The following GNG10 variants were observed in gnomAD, a reference collection of about 807,000 sequenced individuals.
GNG10 encodes the protein G protein subunit gamma 10.
Under a neutral mutation model 6.8 loss-of-function variants are expected in GNG10, and 7 were observed. The ratio of observed to expected loss-of-function variants is 1.02; its 90% CI spans 0.58 to 1.92. The LOEUF (loss-of-function observed/expected upper bound fraction) is 1.92, where lower values mean the gene tolerates loss of function less well. Ranked by LOEUF, GNG10 falls within the 30% of genes most tolerant of loss-of-function variation. The pLI is 0.00. For missense variants in GNG10, 57 were observed against 86.1 expected (o/e 0.66, Z 1.34); for synonymous variants, 28 against 34.8 (o/e 0.80, Z 0.69).
At chr9:111,668,575 C>T (rs1830946145) in intron 2 of GNG10, among the ~76,000 whole-genome samples, 1 of 151,964 alleles carries the variant, frequency 6.6e-6, no homozygotes, top group African/African-American at 2.4e-5. Flanking sequence ...ACCTCCACCT[C>T]CCAGGTTCAA....
rs1830911945 is a variant in GNG10 at position 111,666,963 on chromosome 9, CATG to C, written c.*6+21_*6+23del. 1.9e-5 allele frequency: 30 copies of C among 1,613,494 alleles called. No homozygotes were observed. Among genetic ancestry groups the C allele is most frequent in the African/African-American group, 2.7e-5 (2 of 75,012 alleles). Reference sequence around the variant, plus strand: ...TGAAGACTCGTGAGTAATGATACACCATGATGTCTTGGGCCCATAGCATTATCA... The same window carrying C: ...TGAAGACTCGTGAGTAATGATACACCATGTCTTGGGCCCATAGCATTATCA... On this transcript the variant is annotated intron_variant, in intron 2 of 2. Transcript: ENST00000374293.
chr9:111,666,721 A>G (rs1021901963), intron 1 of GNG10, 94 bp from the exon 2 acceptor site: 2 of 1,460,034 alleles, frequency 1.4e-6, no homozygotes, highest in Non-Finnish European at 1.8e-6. Flanking sequence ...AAAAGTTGAT[A>G]TTTACCAAGT....
chr9:111,662,723 A>G (rs1359406904), intron 1 of GNG10, among the ~76,000 whole-genome samples: 3 of 152,198 alleles, frequency 2.0e-5, no homozygotes, highest in African/African-American at 7.2e-5. Flanking sequence ...TAACGGATAC[A>G]TAGCATCGCT....
At position 111,661,620 on chromosome 9, in the gene GNG10, C is replaced by G. The variant is rs756490084; in HGVS notation, c.-15C>G. The G allele has an allele frequency of 5.6e-4, 730 of 1,305,924 alleles. No individual in the cohort carries two copies. Among genetic ancestry groups the G allele is most frequent in the Non-Finnish European group, 6.9e-4 (689 of 1,005,584 alleles). The allele number at this position is 1,305,924 out of a possible 1,614,324, so 80.9% of individuals were successfully genotyped here. The stretch of plus-strand genomic sequence containing the variant: ...GGCCGGGCCCAGCAGCCCCTAGGAG[C>G]CCAGCGCCGCCGCCATGTCCTCCGG... On this transcript the variant is annotated 5_prime_UTR_variant, in exon 1 of 3. Transcript: ENST00000374293. The surrounding 1 kb of genome is among the most constrained non-coding windows in gnomAD (Gnocchi z 6.1).
chr9:111,662,116 A>G (rs1189207831), intron 1 of GNG10, among the ~76,000 whole-genome samples: 1 of 152,144 alleles, frequency 6.6e-6, no homozygotes, highest in East Asian at 1.9e-4. Flanking sequence ...GAGGAGAGCC[A>G]GGATGCTCGG....
At chr9:111,667,339 C>T (rs1375803979) in intron 2 of GNG10, among the ~76,000 whole-genome samples, 7 of 152,126 alleles carry the variant, frequency 4.6e-5, no homozygotes, top group African/African-American at 1.7e-4. Flanking sequence ...AAGCAATTCT[C>T]TTGTCTCAGC....
intron 1 of GNG10, among the ~76,000 whole-genome samples, chr9:111,665,688 C>T (rs866780128): frequency 4.6e-5 from 7 of 152,118 alleles, no homozygotes; most frequent in African/African-American, 1.7e-4. Flanking sequence ...CCCTTTATTT[C>T]TACCACATTC....
chr9:111,665,416 C>A (rs1166919417), intron 1 of GNG10, among the ~76,000 whole-genome samples: 1 of 152,140 alleles, frequency 6.6e-6, no homozygotes, highest in East Asian at 1.9e-4. Context: ...TTCAGGTGTA[C>A]AGTTCTGCTG....
chr9:111,661,723 C>G lies in GNG10; in HGVS notation c.81+8C>G. 7.5e-7 allele frequency: 1 copy of G among 1,330,066 alleles called. No individual in the cohort carries two copies. Among genetic ancestry groups the G allele is most frequent in the Non-Finnish European group, 9.8e-7 (1 of 1,017,456 alleles). The allele number at this position is 1,330,066 out of a possible 1,614,324, so 82.4% of individuals were successfully genotyped here. A position where few individuals can be genotyped will look rare whatever the true frequency, so the allele number is the denominator to read the frequency against. ...GGCGTGGAGAGGATCAAGGTGCGGG[C>G]CCCGGGTACCCACGCTCCGGTCCTT... On this transcript the variant is annotated splice_region_variant and intron_variant, in intron 1 of 2. Coordinates refer to ENST00000374293, the MANE Select transcript of GNG10 (RefSeq NM_001017998.4). This position sits in a 1 kb window ranked among gnomAD's most constrained non-coding sequence, Gnocchi z 6.1.
chr9:111,666,218 A>T (rs938530270), intron 1 of GNG10, among the ~76,000 whole-genome samples: 1 of 152,148 alleles, frequency 6.6e-6, no homozygotes, highest in African/African-American at 2.4e-5. Context: ...GTGAGTTACT[A>T]TTTCTAATTA....
rs1369567046 is a variant in GNG10, at chr9:111,661,922, G to T, written c.81+207G>T. 6.6e-6 allele frequency among the ~76,000 whole-genome samples: 1 copy of T among 151,800 alleles called. No individual in the cohort carries two copies. The highest frequency in any genetic ancestry group is 1.5e-5 in the Non-Finnish European group (1 of 67,910). On this transcript the variant is annotated intron_variant, in intron 1 of 2. Transcript: ENST00000374293. This position sits in a 1 kb window ranked among gnomAD's most constrained non-coding sequence, Gnocchi z 6.1. ...GACGGGAGGAAGCCGCGCCTGGGGGGCCCCGCGGTCGTGGTCGGTCCCGGT... is the reference window on the plus strand; with the variant it reads ...GACGGGAGGAAGCCGCGCCTGGGGGTCCCCGCGGTCGTGGTCGGTCCCGGT...
At chr9:111,662,033 G>A (rs764415089) in intron 1 of GNG10, among the ~76,000 whole-genome samples, 19 of 150,846 alleles carry the variant, frequency 1.3e-4, no homozygotes, top group Non-Finnish European at 2.1e-4. Context: ...GGGCCGGGAG[G>A]GTGGACCCAG....
At chr9:111,667,430 A>G (rs1347672834) in intron 2 of GNG10, among the ~76,000 whole-genome samples, 1 of 151,956 alleles carries the variant, frequency 6.6e-6, no homozygotes, top group African/African-American at 2.4e-5. Context: ...GGGTTTCACC[A>G]TATTGGTCAG....
At chr9:111,662,787 T>C (rs1830843495) in intron 1 of GNG10, among the ~76,000 whole-genome samples, 1 of 152,112 alleles carries the variant, frequency 6.6e-6, no homozygotes, top group African/African-American at 2.4e-5. Flanking sequence ...GAGAGGGCTG[T>C]GGAATGCAGA....
At position 111,663,923 on chromosome 9, in the gene GNG10, C is replaced by A. The variant is rs568120769; in HGVS notation, c.81+2208C>A. ...GCAACCTCTGCCTCCCAGGTTCAAG[C>A]GATTCTCCTGCCTCAGCCTCCCGAG... On this transcript the variant is annotated intron_variant, in intron 1 of 2. Coordinates refer to ENST00000374293, the MANE Select transcript of GNG10 (RefSeq NM_001017998.4). Among the ~76,000 whole-genome samples the A allele has an allele frequency of 1.3e-4, 20 of 151,312 alleles. No homozygotes were observed. In the East Asian group the frequency reaches 3.9e-3, roughly 29 times the overall value.
intron 1 of GNG10, among the ~76,000 whole-genome samples, chr9:111,664,031 C>T (rs1853223): frequency 0.38 from 56,303 of 147,498 alleles, 11,501 homozygotes; most frequent in African/African-American, 0.53. Context: ...GATGGAGTTT[C>T]ACCATATTGG....
chr9:111,662,773 G>A (rs1830843202), intron 1 of GNG10, among the ~76,000 whole-genome samples: 1 of 152,208 alleles, frequency 6.6e-6, no homozygotes, highest in African/African-American at 2.4e-5. Context: ...ACAGGGTAAA[G>A]GGAGAGAGGG....
intron 1 of GNG10, among the ~76,000 whole-genome samples, chr9:111,664,280 G>A (rs1293750882): frequency 6.6e-6 from 1 of 152,144 alleles, no homozygotes; most frequent in Non-Finnish European, 1.5e-5. Flanking sequence ...AGTATGATCT[G>A]GGGTACTTGG....
At chr9:111,668,428 T>TCTCTCCCCTC (rs1830940424) in intron 2 of GNG10, among the ~76,000 whole-genome samples, 1 of 119,452 alleles carries the variant, frequency 8.4e-6, no homozygotes, top group Non-Finnish European at 1.9e-5. Flanking sequence ...GCTTCCTTCT[T>TCTCTCCCCTC]CCCTCCCCTC....
Sources: allele counts gnomAD v4.1 joint callset (sites outside exome capture counted in the v4.1 genomes callset), GRCh38; gene constraint gnomAD v4.1.1; non-coding constraint Gnocchi (gnomAD v3.1); transcripts MANE v1.5; gene names NCBI Gene and HGNC (gene_info 2026-07-23, HGNC 2026-07-21).